The following LHFPL4 variants were observed in gnomAD, a reference collection of about 807,000 sequenced individuals.
The protein encoded by LHFPL4 is LHFPL tetraspan subfamily member 4 protein.
LHFPL4 carries 6 observed loss-of-function variants against 20.0 expected under a neutral mutation model. The observed-to-expected ratio is 0.30, with a 90% CI of 0.16 to 0.59. LHFPL4 has a LOEUF of 0.59. Ranked by LOEUF, LHFPL4 falls within the 20% of genes least tolerant of loss-of-function variation. The pLI, the probability that LHFPL4 is intolerant of heterozygous loss-of-function variation, is 0.88. For missense variants in LHFPL4, 215 were observed against 331.2 expected, an observed-to-expected ratio of 0.65 and a Z score of 2.72; for synonymous variants, 129 against 143.8, an observed-to-expected ratio of 0.90 and a Z score of 0.74.
chr3:9,510,757 G>C lies in LHFPL4; in HGVS notation c.407-4554C>G, dbSNP rs142577893. Among the ~76,000 whole-genome samples the C allele has an allele frequency of 9.2e-5, 14 of 152,024 alleles. No homozygotes were observed. In the East Asian group the frequency reaches 2.7e-3, roughly 30 times the overall value. On this transcript the variant is annotated intron_variant, in intron 2 of 3. Coordinates refer to ENST00000287585, the MANE Select transcript of LHFPL4 (RefSeq NM_198560.3). ...GTTCGAGACCAGCCTGGTCAACATG[G>C]TGAAACCCCATCTCTACTAAAAATA... is the stretch of plus-strand genomic sequence containing the variant.
chr3:9,533,018 A>T (rs2046420289), intron 2 of LHFPL4, among the ~76,000 whole-genome samples: 1 of 152,186 alleles, frequency 6.6e-6, no homozygotes, highest in East Asian at 1.9e-4. Flanking sequence ...TCACCTGCCC[A>T]CCCCACGCCA....
intron 3 of LHFPL4, among the ~76,000 whole-genome samples, chr3:9,503,299 C>T (rs1448202564): frequency 2.0e-5 from 3 of 152,090 alleles, no homozygotes; most frequent in South Asian, 2.1e-4. Context: ...AGAAGGACAC[C>T]GAGGGGGCCC....
At chr3:9,526,631 C>A (rs560930007) in intron 2 of LHFPL4, among the ~76,000 whole-genome samples, 2 of 152,238 alleles carry the variant, frequency 1.3e-5, no homozygotes, top group South Asian at 4.2e-4. Flanking sequence ...TGAATGTGAT[C>A]TCATTTGGAA....
chr3:9,508,545 G>T (rs555374968), intron 2 of LHFPL4, among the ~76,000 whole-genome samples: 1 of 152,206 alleles, frequency 6.6e-6, no homozygotes. Context: ...CAAATCTGGG[G>T]ACTCTGGGCA....
At chr3:9,516,895 T>C (rs1158072277) in intron 2 of LHFPL4, among the ~76,000 whole-genome samples, 2 of 149,542 alleles carry the variant, frequency 1.3e-5, no homozygotes, top group East Asian at 4.1e-4. Flanking sequence ...TTCTCCTGCC[T>C]CAGCCTCCCG....
At chr3:9,540,841 T>C (rs538065638) in intron 2 of LHFPL4, among the ~76,000 whole-genome samples, 22 of 151,882 alleles carry the variant, frequency 1.4e-4, no homozygotes, top group African/African-American at 5.1e-4. Flanking sequence ...CAGTGAGCCG[T>C]GATCACACCA....
chr3:9,538,621 C>T (rs984498147), intron 2 of LHFPL4, among the ~76,000 whole-genome samples: 2 of 152,034 alleles, frequency 1.3e-5, no homozygotes, highest in East Asian at 3.8e-4. Context: ...GTGAGTAAAC[C>T]GAGACTCAGA....
At position 9,502,225 on chromosome 3, in the gene LHFPL4, A is replaced by T. The variant is rs1393573397; in HGVS notation, c.730T>A (p.Ser244Thr). The T allele has an allele frequency of 1.2e-6, 2 of 1,613,672 alleles. No homozygotes were observed. The highest frequency in any genetic ancestry group is 2.2e-5 in the South Asian group (2 of 91,066). Reference sequence around the variant, plus strand: ...ATCCTGGCCTTTCAGGGTCCCTGTGAGTGAGCCACGGGGCAGGGAAGGACT... The same window carrying T: ...ATCCTGGCCTTTCAGGGTCCCTGTGTGTGAGCCACGGGGCAGGGAAGGACT... The part of the protein sequence containing the change: ...WGVLPCPVAH[S>T]QGP The change falls in exon 4 of 4, where the codon TCA becomes ACA. Residue 244 changes from serine (S) to threonine (T), a missense_variant. This residue lies in a region of LHFPL4 where 51 missense variants were observed against 44.5 expected (regional missense o/e 1.15). Transcript: ENST00000287585.
chr3:9,518,527 C>T (rs1331352115), intron 2 of LHFPL4, among the ~76,000 whole-genome samples: 1 of 152,086 alleles, frequency 6.6e-6, no homozygotes, highest in Non-Finnish European at 1.5e-5. Flanking sequence ...CCAGTGAACC[C>T]ATCAGGGCCT....
intron 2 of LHFPL4, among the ~76,000 whole-genome samples, chr3:9,517,874 G>A (rs564356224): frequency 2.8e-5 from 4 of 142,496 alleles, no homozygotes; most frequent in African/African-American, 5.2e-5. Flanking sequence ...TACAAACAAA[G>A]ATAGTTTTAC....
chr3:9,543,731 T>TG (rs1455915021), intron 2 of LHFPL4, among the ~76,000 whole-genome samples: 1 of 144,218 alleles, frequency 6.9e-6, no homozygotes, highest in Non-Finnish European at 1.5e-5. Flanking sequence ...TGGTTTTGGT[T>TG]TTTTTTTTTT....
At chr3:9,541,296 C>T (rs1007611781) in intron 2 of LHFPL4, among the ~76,000 whole-genome samples, 2 of 152,012 alleles carry the variant, frequency 1.3e-5, no homozygotes, top group Non-Finnish European at 2.9e-5. Flanking sequence ...ACATATAGAC[C>T]AATGGAATAG....
intron 2 of LHFPL4, among the ~76,000 whole-genome samples, chr3:9,541,559 G>T (rs2046476486): frequency 6.6e-6 from 1 of 152,006 alleles, no homozygotes; most frequent in African/African-American, 2.4e-5. Flanking sequence ...ATCACATGAG[G>T]TCAGGAGTTT....
intron 3 of LHFPL4, among the ~76,000 whole-genome samples, chr3:9,504,288 G>A (rs2046200485): frequency 2.0e-5 from 3 of 151,258 alleles, no homozygotes; most frequent in Non-Finnish European, 2.9e-5. Context: ...TGAGGCACGA[G>A]GATTACTTGA....
chr3:9,549,555 G>A (rs982650283), intron 2 of LHFPL4, among the ~76,000 whole-genome samples: 4 of 152,154 alleles, frequency 2.6e-5, no homozygotes, highest in African/African-American at 9.7e-5. Flanking sequence ...AAATTAGCCA[G>A]GCGTTGTGGC....
At chr3:9,504,140 G>T (rs891769466) in intron 3 of LHFPL4, among the ~76,000 whole-genome samples, 2 of 152,188 alleles carry the variant, frequency 1.3e-5, no homozygotes, top group African/African-American at 4.8e-5. Flanking sequence ...GGAAGCTGAG[G>T]CAGGCAGATC....
chr3:9,501,932 G>C lies in LHFPL4; in HGVS notation c.*279C>G, dbSNP rs1316326833. On this transcript the variant is annotated 3_prime_UTR_variant, in exon 4 of 4. Coordinates refer to ENST00000287585, the MANE Select transcript of LHFPL4 (RefSeq NM_198560.3). ...GCAGGGACCTCCAGGCCAGTCTAGA[G>C]AGGAGAGGAGAAGCCCAAGGGCCTA... The C allele has an allele frequency of 8.8e-6, 4 of 455,204 alleles. No individual in the cohort carries two copies. The Admixed American group carries it at 1.0e-4, about 12-fold the overall frequency. The allele number at this position is 455,204 out of a possible 1,614,324, so 28.2% of individuals were successfully genotyped here.
intron 2 of LHFPL4, among the ~76,000 whole-genome samples, chr3:9,531,345 T>C (rs778862058): frequency 1.3e-5 from 2 of 152,202 alleles, no homozygotes; most frequent in African/African-American, 2.4e-5. Flanking sequence ...ACAATATCTG[T>C]AAAGCACAAT....
intron 2 of LHFPL4, among the ~76,000 whole-genome samples, chr3:9,519,139 A>G (rs2046322140): frequency 6.6e-6 from 1 of 151,894 alleles, no homozygotes; most frequent in South Asian, 2.1e-4. Flanking sequence ...GGGCTTCTCC[A>G]TGTTGCCCAG....
Sources: allele counts gnomAD v4.1 joint callset (sites outside exome capture counted in the v4.1 genomes callset), GRCh38; gene constraint gnomAD v4.1.1; regional missense constraint gnomAD v4.1.1; transcripts MANE v1.5; gene names NCBI Gene and HGNC (gene_info 2026-07-23, HGNC 2026-07-21).